Variants in KYAT1 observed in about 807,000 individuals in gnomAD.
KYAT1 encodes the protein kynurenine aminotransferase 1, also known as kynurenine--oxoglutarate transaminase 1.
Under a neutral mutation model 52.4 loss-of-function variants are expected in KYAT1, and 47 were observed. That is an observed-to-expected ratio of 0.90 (90% CI 0.71 to 1.14). The LOEUF is 1.14. KYAT1 is among the 50% of genes most tolerant of loss of function. The pLI, the probability that KYAT1 is intolerant of heterozygous loss-of-function variation, is 0.00. For missense variants in KYAT1, 480 were observed against 557.9 expected, an observed-to-expected ratio of 0.86 and a Z score of 1.41; for synonymous variants, 212 against 209.6, an observed-to-expected ratio of 1.01 and a Z score of -0.10.
chr9:128,857,036 G>A (rs1262472122), intron 1 of KYAT1, among the ~76,000 whole-genome samples: 3 of 152,246 alleles, frequency 2.0e-5, no homozygotes, highest in Admixed American at 6.5e-5. Context: ...GAGAAAAACC[G>A]CCCTATGGCG....
At chr9:128,874,698 C>T (rs983329939) in intron 1 of KYAT1, among the ~76,000 whole-genome samples, 1 of 147,368 alleles carries the variant, frequency 6.8e-6, no homozygotes, top group Admixed American at 6.8e-5. Flanking sequence ...CTGTTCTGTA[C>T]ATTTTGTGGT....
intron 11 of KYAT1, among the ~76,000 whole-genome samples, chr9:128,834,400 G>A (rs2118882588): frequency 6.6e-6 from 1 of 152,290 alleles, no homozygotes; most frequent in South Asian, 2.1e-4. Flanking sequence ...CAAAGCCTTA[G>A]AGTCACAGAT....
chr9:128,875,238 G>GTTT (rs937445820), intron 1 of KYAT1, among the ~76,000 whole-genome samples: 2 of 127,730 alleles, frequency 1.6e-5, no homozygotes, highest in Admixed American at 7.8e-5. Flanking sequence ...TGTTCAATTT[G>GTTT]TTTTTTTTTG....
intron 1 of KYAT1, among the ~76,000 whole-genome samples, chr9:128,877,274 A>C (rs1262723720): frequency 6.6e-6 from 1 of 151,902 alleles, no homozygotes; most frequent in East Asian, 1.9e-4. Context: ...CCAATCCAAA[A>C]TCCCTAGCAG....
At chr9:128,844,022 T>A (rs78638194) in intron 2 of KYAT1, among the ~76,000 whole-genome samples, 1 of 152,106 alleles carries the variant, frequency 6.6e-6, no homozygotes, top group African/African-American at 2.4e-5. Context: ...CAAGCAAAGT[T>A]TGATGCTCTT....
At chr9:128,846,869 A>C (rs899596095) in intron 1 of KYAT1, 128 of 1,532,014 alleles carry the variant, frequency 8.4e-5, no homozygotes, top group Non-Finnish European at 1.1e-4. Flanking sequence ...GCTGTGGTCA[A>C]TAGTGAACCC....
Position 128,833,242 on chromosome 9 carries a change from G to A in KYAT1, c.*342C>T. 2.4e-6 allele frequency: 1 copy of A among 409,446 alleles called. No homozygotes were observed. The highest frequency in any genetic ancestry group is 4.5e-6 in the Non-Finnish European group (1 of 223,978). The allele number at this position is 409,446 out of a possible 1,614,324, so 25.4% of individuals were successfully genotyped here. A position where few individuals can be genotyped will look rare whatever the true frequency, so the allele number is the denominator to read the frequency against. On this transcript the variant is annotated 3_prime_UTR_variant, in exon 13 of 13. Coordinates refer to ENST00000302586, the MANE Select transcript of KYAT1 (RefSeq NM_004059.5). ...GAGGTTATACCTGAGCCTTAGCAGG[G>A]GCCATGCAGAGCTGGGATGTGATCG...
intron 1 of KYAT1, among the ~76,000 whole-genome samples, chr9:128,873,074 TAA>T (rs549497155): frequency 0.02 from 2,328 of 118,614 alleles, 43 homozygotes; most frequent in African/African-American, 0.058. Flanking sequence ...AGACTCCATT[TAA>T]AAAAAAAAAA....
At chr9:128,839,469 A>G (rs550288973) in intron 3 of KYAT1, among the ~76,000 whole-genome samples, 1 of 152,196 alleles carries the variant, frequency 6.6e-6, no homozygotes, top group Non-Finnish European at 1.5e-5. Context: ...CTAAAAATAC[A>G]AAAAATTAGC....
intron 1 of KYAT1, among the ~76,000 whole-genome samples, chr9:128,854,785 T>C (rs879605096): frequency 6.6e-6 from 1 of 152,172 alleles, no homozygotes; most frequent in Non-Finnish European, 1.5e-5. Context: ...TATTAGTGCA[T>C]GGGTACCAGG....
intron 1 of KYAT1, 110 bp from the exon 2 acceptor site, chr9:128,845,521 C>A (rs1832951748): frequency 1.0e-6 from 1 of 1,001,636 alleles, no homozygotes; most frequent in East Asian, 2.5e-5. Context: ...ATCCTGTCTG[C>A]TCCCAGGAGG....
At chr9:128,848,423 G>A (rs1369748893) in intron 1 of KYAT1, among the ~76,000 whole-genome samples, 1 of 150,678 alleles carries the variant, frequency 6.6e-6, no homozygotes, top group East Asian at 1.9e-4. Flanking sequence ...CAGGAACCAA[G>A]AAAGTGTGAT....
At chr9:128,872,754 C>A (rs985076977) in intron 1 of KYAT1, among the ~76,000 whole-genome samples, 1 of 140,672 alleles carries the variant, frequency 7.1e-6, no homozygotes, top group South Asian at 2.3e-4. Flanking sequence ...GGTGACAGAG[C>A]GAGACTCCGT....
intron 3 of KYAT1, chr9:128,842,102 G>T (rs771970765): frequency 7.9e-5 from 28 of 355,138 alleles, no homozygotes; most frequent in South Asian, 6.0e-4. Context: ...TGAGGTGGGA[G>T]GACCACTTGA....
chr9:128,868,696 C>T (rs949265645), intron 1 of KYAT1, among the ~76,000 whole-genome samples: 27 of 151,124 alleles, frequency 1.8e-4, no homozygotes, highest in Non-Finnish European at 8.8e-5. Context: ...GCCACCATGC[C>T]TGGCTAATTT....
At chr9:128,860,291 A>G (rs1835280832) in intron 1 of KYAT1, 1 of 152,284 alleles carries the variant, frequency 6.6e-6, no homozygotes, top group Non-Finnish European at 1.5e-5. Context: ...AGACACACCC[A>G]GAAGTCATGT....
chr9:128,853,539 T>C (rs1052513119), intron 1 of KYAT1, among the ~76,000 whole-genome samples: 23 of 152,306 alleles, frequency 1.5e-4, no homozygotes, highest in Admixed American at 1.4e-3. Flanking sequence ...CCTAATCAAA[T>C]ATAGTATGGA....
At chr9:128,863,016 A>G (rs945706949) in intron 1 of KYAT1, among the ~76,000 whole-genome samples, 2 of 151,684 alleles carry the variant, frequency 1.3e-5, no homozygotes, top group African/African-American at 4.8e-5. Context: ...TTTAGTAGAG[A>G]TGGGGTTTCA....
intron 1 of KYAT1, chr9:128,846,832 G>A (rs1402976462): frequency 6.5e-7 from 1 of 1,535,512 alleles, no homozygotes; most frequent in Non-Finnish European, 8.7e-7. Context: ...CGTGGAGCTG[G>A]GGATCCAACA....
Sources: allele counts gnomAD v4.1 joint callset (sites outside exome capture counted in the v4.1 genomes callset), GRCh38; gene constraint gnomAD v4.1.1; transcripts MANE v1.5; gene names NCBI Gene and HGNC (gene_info 2026-07-23, HGNC 2026-07-21).